TCF7L2: variants seen among roughly 807,000 people sequenced by gnomAD.
TCF7L2 encodes the protein transcription factor 7 like 2, also known as transcription factor 7-like 2.
TCF7L2 carries 23 observed loss-of-function variants against 77.9 expected under a neutral mutation model. The ratio of observed to expected loss-of-function variants is 0.30; its 90% confidence interval spans 0.21 to 0.42. TCF7L2 has a LOEUF of 0.42. Among genes scored for constraint, TCF7L2 ranks in the 10% least tolerant of loss-of-function variants. The pLI is 1.00. For synonymous variants in TCF7L2, 413 were observed against 340.2 expected, an observed-to-expected ratio of 1.21 and a Z score of -2.36; for missense variants, 654 against 793.1, an observed-to-expected ratio of 0.82 and a Z score of 2.11.
intron 5 of TCF7L2, among the ~76,000 whole-genome samples, chr10:113,112,854 T>C (rs778580858): frequency 2.0e-5 from 3 of 152,192 alleles, no homozygotes; most frequent in Non-Finnish European, 4.4e-5. Context: ...TGGCCAGTGT[T>C]TCTGTGTATT....
intron 5 of TCF7L2, among the ~76,000 whole-genome samples, chr10:113,103,318 C>G (rs916916773): frequency 6.6e-6 from 1 of 152,130 alleles, no homozygotes; most frequent in East Asian, 1.9e-4. Flanking sequence ...TCTTTATTAC[C>G]GGAAGTTGTG....
Position 113,122,994 on chromosome 10 carries a change from A to G in TCF7L2, c.553-18190A>G, listed in dbSNP as rs530917497. 4.6e-5 allele frequency among the ~76,000 whole-genome samples: 7 copies of G among 152,346 alleles called. No individual in the cohort carries two copies. In the East Asian group the frequency reaches 1.3e-3, roughly 29 times the overall value. On this transcript the variant is annotated intron_variant, in intron 5 of 13. Coordinates refer to ENST00000627217, the MANE Select transcript of TCF7L2 (RefSeq NM_001146274.2). ...TCAAGTCACTAGTTGGTAAGACATC[A>G]GACATGACGAGAGTGAAGGGCAGCT...
intron 5 of TCF7L2, among the ~76,000 whole-genome samples, chr10:113,064,441 A>G (rs1421220424): frequency 1.3e-5 from 2 of 152,256 alleles, no homozygotes; most frequent in African/African-American, 4.8e-5. Flanking sequence ...TGGATGTTAA[A>G]GAACATTAAA....
intron 4 of TCF7L2, among the ~76,000 whole-genome samples, chr10:113,031,822 T>C (rs2050268657): frequency 6.6e-6 from 1 of 152,196 alleles, no homozygotes; most frequent in South Asian, 2.1e-4. Context: ...TCCTGCACCA[T>C]TGATTAGCTT....
At chr10:113,093,402 A>G (rs1476039367) in intron 5 of TCF7L2, among the ~76,000 whole-genome samples, 1 of 152,196 alleles carries the variant, frequency 6.6e-6, no homozygotes, top group African/African-American at 2.4e-5. Flanking sequence ...TGTGATACCA[A>G]CCATCTTCCA....
At chr10:113,003,137 A>C (rs2044792099) in intron 4 of TCF7L2, among the ~76,000 whole-genome samples, 1 of 152,240 alleles carries the variant, frequency 6.6e-6, no homozygotes, top group African/African-American at 2.4e-5. Context: ...TGTATAACAT[A>C]CAAAACAAGC....
intron 8 of TCF7L2, among the ~76,000 whole-genome samples, chr10:113,148,741 A>G (rs921646999): frequency 6.6e-6 from 1 of 152,258 alleles, no homozygotes; most frequent in African/African-American, 2.4e-5. Flanking sequence ...GTCTGCAGAA[A>G]GGAATTTCTT....
At chr10:113,148,464 A>C (rs1204342043) in intron 8 of TCF7L2, among the ~76,000 whole-genome samples, 1 of 152,222 alleles carries the variant, frequency 6.6e-6, no homozygotes, top group Non-Finnish European at 1.5e-5. Context: ...TCAAAGCAGG[A>C]TTGTTGCACA....
chr10:113,088,273 G>T (rs2060036068), intron 5 of TCF7L2, among the ~76,000 whole-genome samples: 1 of 152,012 alleles, frequency 6.6e-6, no homozygotes, highest in African/African-American at 2.4e-5. Context: ...AGGCCAATGG[G>T]TCTCTACAGC....
intron 4 of TCF7L2, among the ~76,000 whole-genome samples, chr10:112,994,259 C>A (rs1163930228): frequency 1.3e-5 from 2 of 152,162 alleles, no homozygotes; most frequent in East Asian, 3.9e-4. Context: ...TTCCTCTCCC[C>A]CCAGCCCCTG....
intron 4 of TCF7L2, among the ~76,000 whole-genome samples, chr10:112,965,491 T>G (rs1322989178): frequency 6.6e-6 from 1 of 152,164 alleles, no homozygotes; most frequent in Non-Finnish European, 1.5e-5. Context: ...CTTGAAACCG[T>G]TTGCTGTAGT....
chr10:113,016,891 T>C (rs1480557763), intron 4 of TCF7L2, among the ~76,000 whole-genome samples: 1 of 152,176 alleles, frequency 6.6e-6, no homozygotes, highest in African/African-American at 2.4e-5. Context: ...CGTGTGCCCC[T>C]GGCAGCTTCT....
chr10:113,060,562 C>T (rs898136032), intron 5 of TCF7L2, among the ~76,000 whole-genome samples: 3 of 152,074 alleles, frequency 2.0e-5, no homozygotes, highest in African/African-American at 7.2e-5. Context: ...TCTCTCCAAG[C>T]GAGGGGTTTG....
chr10:113,090,672 G>A (rs534220134), intron 5 of TCF7L2, among the ~76,000 whole-genome samples: 38 of 152,240 alleles, frequency 2.5e-4, no homozygotes, highest in Non-Finnish European at 4.9e-4. Flanking sequence ...GTGCAGTGGC[G>A]CAATCTCAGC....
chr10:113,063,242 G>C (rs866236433), intron 5 of TCF7L2, among the ~76,000 whole-genome samples: 1 of 152,096 alleles, frequency 6.6e-6, no homozygotes, highest in African/African-American at 2.4e-5. Context: ...TAGTGTTTGG[G>C]GTTGCAAATT....
chr10:113,166,422 G>A lies in TCF7L2; in HGVS notation c.*450G>A, dbSNP rs764750012. On this transcript the variant is annotated 3_prime_UTR_variant, in exon 14 of 14. Transcript: ENST00000627217. ...TCATTTTACATCTGGTTTTTAAACC[G>A]TAAGGGCACCATGAATGCAGTGCCG... 7.2e-4 allele frequency: 161 copies of A among 223,698 alleles called. No homozygotes were observed. Among genetic ancestry groups the A allele is most frequent in the Non-Finnish European group, 1.1e-3 (121 of 113,964 alleles). The allele number at this position is 223,698 out of a possible 1,614,324, so 13.9% of individuals were successfully genotyped here.
chr10:113,123,105 T>C (rs929082197), intron 5 of TCF7L2, among the ~76,000 whole-genome samples: 2 of 152,196 alleles, frequency 1.3e-5, no homozygotes, highest in African/African-American at 4.8e-5. Flanking sequence ...GACTTTGAAG[T>C]CATGACTGCA....
At chr10:112,953,434 C>G (rs1427354189) in intron 3 of TCF7L2, among the ~76,000 whole-genome samples, 2 of 152,088 alleles carry the variant, frequency 1.3e-5, no homozygotes, top group African/African-American at 2.4e-5. Context: ...TAAACGGGAC[C>G]GTTCGGCTCA....
chr10:113,053,995 C>T (rs2054913367), intron 5 of TCF7L2, among the ~76,000 whole-genome samples: 1 of 152,184 alleles, frequency 6.6e-6, no homozygotes, highest in African/African-American at 2.4e-5. Flanking sequence ...GGCACACATA[C>T]AGGCGGGGAG....
Sources: allele counts gnomAD v4.1 joint callset (sites outside exome capture counted in the v4.1 genomes callset), GRCh38; gene constraint gnomAD v4.1.1; transcripts MANE v1.5; gene names NCBI Gene and HGNC (gene_info 2026-07-23, HGNC 2026-07-21).